HNRNPC: variants seen among roughly 807,000 people sequenced by gnomAD.
HNRNPC encodes the protein heterogeneous nuclear ribonucleoprotein C.
A neutral mutation model predicts 33.2 loss-of-function variants in HNRNPC; 3 were observed. That is an observed-to-expected ratio of 0.09 (90% CI 0.04 to 0.23). The LOEUF (loss-of-function observed/expected upper bound fraction) is 0.23, where lower values mean the gene tolerates loss of function less well. Among genes scored for constraint, HNRNPC ranks in the 10% least tolerant of loss-of-function variants. HNRNPC has a pLI of 1.00. For missense variants in HNRNPC, 143 were observed against 366.7 expected (o/e 0.39, Z 4.98); for synonymous variants, 121 against 126.7 (o/e 0.96, Z 0.30).
intron 5 of HNRNPC, among the ~76,000 whole-genome samples, chr14:21,214,932 T>G (rs1387977176): frequency 6.6e-6 from 1 of 152,090 alleles, no homozygotes; most frequent in South Asian, 2.1e-4. Context: ...GAAATAAATA[T>G]CTAATCTACC....
intron 2 of HNRNPC, among the ~76,000 whole-genome samples, chr14:21,245,084 C>CAAAAAAAAAA (rs71112560): frequency 5.5e-5 from 3 of 54,606 alleles, no homozygotes; most frequent in Non-Finnish European, 7.7e-5. Flanking sequence ...GACTCCATCT[C>CAAAAAAAAAA]AAAAAAAAAA....
At chr14:21,252,073 A>G (rs1896738672) in intron 2 of HNRNPC, among the ~76,000 whole-genome samples, 1 of 152,250 alleles carries the variant, frequency 6.6e-6, no homozygotes, top group African/African-American at 2.4e-5. Flanking sequence ...GAATAGTAAA[A>G]GGTTTGATTT....
At chr14:21,244,032 T>A (rs1377890999) in intron 2 of HNRNPC, among the ~76,000 whole-genome samples, 6 of 96,502 alleles carry the variant, frequency 6.2e-5, no homozygotes, top group Non-Finnish European at 1.2e-4. Context: ...TTCCTCCAAG[T>A]TTTTTTTTTT....
chr14:21,259,529 T>C (rs1877813223), intron 2 of HNRNPC, among the ~76,000 whole-genome samples: 1 of 152,108 alleles, frequency 6.6e-6, no homozygotes. Flanking sequence ...ATATTCTTTT[T>C]CCCACCCTCA....
At chr14:21,236,931 C>T (rs1437856353) in intron 2 of HNRNPC, among the ~76,000 whole-genome samples, 4 of 152,162 alleles carry the variant, frequency 2.6e-5, no homozygotes. Flanking sequence ...TATATGGTTT[C>T]ACTGACTGTG....
At chr14:21,240,321 G>T (rs1314652362) in intron 2 of HNRNPC, among the ~76,000 whole-genome samples, 1 of 152,162 alleles carries the variant, frequency 6.6e-6, no homozygotes, top group Non-Finnish European at 1.5e-5. Context: ...TTCATTGTAA[G>T]TGTGAGGTGC....
intron 5 of HNRNPC, among the ~76,000 whole-genome samples, chr14:21,229,412 T>C (rs1893859992): frequency 6.6e-6 from 1 of 151,582 alleles, no homozygotes; most frequent in Non-Finnish European, 1.5e-5. Context: ...TAATGTCAAA[T>C]GAAAAAAACA....
At chr14:21,238,517 C>A (rs11156892) in intron 2 of HNRNPC, among the ~76,000 whole-genome samples, 1 of 151,978 alleles carries the variant, frequency 6.6e-6, no homozygotes, top group East Asian at 1.9e-4. Flanking sequence ...CTTGGGATTT[C>A]TGTAGGAAAA....
At chr14:21,228,014 C>A (rs1893675459) in intron 5 of HNRNPC, among the ~76,000 whole-genome samples, 1 of 152,144 alleles carries the variant, frequency 6.6e-6, no homozygotes, top group Non-Finnish European at 1.5e-5. Flanking sequence ...ATAGAAAGCA[C>A]TGAAAAATAT....
At chr14:21,219,512 A>G (rs917281177) in intron 5 of HNRNPC, among the ~76,000 whole-genome samples, 37 of 152,222 alleles carry the variant, frequency 2.4e-4, no homozygotes, top group Admixed American at 2.3e-3. Flanking sequence ...GACGTTTTCT[A>G]AATTCTCATA....
intron 1 of HNRNPC, chr14:21,268,634 T>G (rs1879414067): frequency 6.6e-6 from 1 of 152,174 alleles, no homozygotes. Context: ...TCAAGCAAAG[T>G]TCCACTAACT....
intron 5 of HNRNPC, among the ~76,000 whole-genome samples, chr14:21,229,589 A>G (rs896762479): frequency 1.3e-5 from 2 of 152,176 alleles, no homozygotes; most frequent in Non-Finnish European, 1.5e-5. Flanking sequence ...CTATACTTTC[A>G]TGTCTGACAC....
chr14:21,218,583 G>A (rs1438801295), intron 5 of HNRNPC, among the ~76,000 whole-genome samples: 1 of 148,600 alleles, frequency 6.7e-6, no homozygotes, highest in African/African-American at 2.5e-5. Context: ...AGCTACTCAG[G>A]AGGCTGAGGC....
At chr14:21,244,585 T>C (rs1410102074) in intron 2 of HNRNPC, among the ~76,000 whole-genome samples, 1 of 152,220 alleles carries the variant, frequency 6.6e-6, no homozygotes, top group African/African-American at 2.4e-5. Flanking sequence ...ATTCTTCCCT[T>C]AGCTCTATTC....
intron 5 of HNRNPC, among the ~76,000 whole-genome samples, chr14:21,222,384 G>T (rs1892924540): frequency 6.7e-6 from 1 of 150,168 alleles, no homozygotes; most frequent in Admixed American, 6.6e-5. Flanking sequence ...ATTTGTTTTT[G>T]TTTTTTTTTC....
rs187210193 is a variant in HNRNPC, at chr14:21,238,710, T to C, written c.-36-4481A>G. On this transcript the variant is annotated intron_variant, in intron 2 of 8. Coordinates refer to ENST00000553300, the MANE Select transcript of HNRNPC (RefSeq NM_004500.4). The stretch of plus-strand genomic sequence containing the variant: ...CTTCTAGTTGAAGGGGTCTAGAATT[T>C]TTCTTTTTTTAATGCAAGCTAACCC... Among the ~76,000 whole-genome samples, 102 of 152,226 alleles carry C rather than the reference T, an allele frequency of 6.7e-4. No individual in the cohort carries two copies. The South Asian group carries it at 8.1e-3, about 12-fold the overall frequency.
intron 7 of HNRNPC, 47 bp downstream of exon 7, chr14:21,211,763 G>C: frequency 6.5e-7 from 1 of 1,539,414 alleles, no homozygotes; most frequent in Non-Finnish European, 9.0e-7. Context: ...AGTGCCTTAT[G>C]TAACTAACCC....
intron 1 of HNRNPC, among the ~76,000 whole-genome samples, chr14:21,265,772 T>G (rs1878871235): frequency 1.3e-5 from 2 of 152,066 alleles, no homozygotes; most frequent in African/African-American, 4.8e-5. Flanking sequence ...TGTGAGGCTC[T>G]CAAAGAAAAA....
At chr14:21,268,153 T>G (rs774573808) in intron 1 of HNRNPC, among the ~76,000 whole-genome samples, 1 of 152,210 alleles carries the variant, frequency 6.6e-6, no homozygotes, top group Non-Finnish European at 1.5e-5. Context: ...TAAGTCAATG[T>G]GACACTAAAG....
Sources: allele counts gnomAD v4.1 joint callset (sites outside exome capture counted in the v4.1 genomes callset), GRCh38; gene constraint gnomAD v4.1.1; transcripts MANE v1.5; gene names NCBI Gene and HGNC (gene_info 2026-07-23, HGNC 2026-07-21).